Variants in TNIK observed in about 807,000 individuals in gnomAD.
TNIK encodes TRAF2 and NCK-interacting protein kinase.
TNIK carries 49 observed loss-of-function variants against 191.3 expected under a neutral mutation model. The ratio of observed to expected loss-of-function variants is 0.26; its 90% confidence interval spans 0.20 to 0.32. The LOEUF is 0.32. Ranked by LOEUF, TNIK falls within the 10% of genes least tolerant of loss-of-function variation. TNIK has a pLI of 1.00. For missense variants in TNIK, 1,155 were observed against 1,702.3 expected (o/e 0.68, Z 5.66); for synonymous variants, 594 against 600.9 (o/e 0.99, Z 0.17).
intron 2 of TNIK, among the ~76,000 whole-genome samples, chr3:171,265,446 T>C (rs937086846): frequency 9.2e-5 from 14 of 152,230 alleles, no homozygotes; most frequent in African/African-American, 3.4e-4. Context: ...GGAACTGGAT[T>C]CTTTTGTCTT....
chr3:171,203,025 C>T (rs1305813020), intron 4 of TNIK, among the ~76,000 whole-genome samples: 1 of 151,658 alleles, frequency 6.6e-6, no homozygotes, highest in Non-Finnish European at 1.5e-5. Flanking sequence ...TGATACACAG[C>T]ATTAACAAAA....
intron 29 of TNIK, among the ~76,000 whole-genome samples, chr3:171,070,781 C>A (rs1238651786): frequency 6.6e-6 from 1 of 152,128 alleles, no homozygotes; most frequent in Non-Finnish European, 1.5e-5. Context: ...ATAAGCATCA[C>A]CTGAGTTTTA....
At chr3:171,068,039 C>A (rs1718695024) in intron 30 of TNIK, among the ~76,000 whole-genome samples, 1 of 152,144 alleles carries the variant, frequency 6.6e-6, no homozygotes, top group South Asian at 2.1e-4. Flanking sequence ...TTCAAACATT[C>A]CTGATAAATA....
At chr3:171,289,994 C>G (rs990747471) in intron 2 of TNIK, among the ~76,000 whole-genome samples, 3 of 151,470 alleles carry the variant, frequency 2.0e-5, no homozygotes, top group Non-Finnish European at 4.4e-5. Flanking sequence ...TAATACGATT[C>G]ATTTGGGCCT....
intron 15 of TNIK, among the ~76,000 whole-genome samples, chr3:171,132,591 A>C (rs1022388945): frequency 2.0e-5 from 3 of 152,242 alleles, no homozygotes; most frequent in African/African-American, 7.2e-5. Flanking sequence ...TTAAAAAGTT[A>C]AAACATAATA....
In TNIK at chr3:171,351,872, A is replaced by G. The variant is rs144878178; in HGVS notation, c.123+17748T>C. Reference sequence around the variant, plus strand: ...TCAGTTCCCAGGAGAACCATTCAACACAAAAGTTAAATGGTGCATTTCAGG... The same window carrying G: ...TCAGTTCCCAGGAGAACCATTCAACGCAAAAGTTAAATGGTGCATTTCAGG... On this transcript the variant is annotated intron_variant, in intron 2 of 32. Transcript: ENST00000436636. 2.5e-3 allele frequency among the ~76,000 whole-genome samples: 384 copies of G among 152,332 alleles called. 4 individuals carry two copies. The highest frequency in any genetic ancestry group is 8.9e-3 in the African/African-American group (372 of 41,576).
intron 2 of TNIK, among the ~76,000 whole-genome samples, chr3:171,258,664 A>G (rs1377630986): frequency 6.6e-6 from 1 of 152,174 alleles, no homozygotes; most frequent in Non-Finnish European, 1.5e-5. Flanking sequence ...GTCAGGCCCA[A>G]TTTAGGACTT....
At chr3:171,091,297 T>C (rs1416218733) in intron 23 of TNIK, among the ~76,000 whole-genome samples, 1 of 152,212 alleles carries the variant, frequency 6.6e-6, no homozygotes, top group Non-Finnish European at 1.5e-5. Context: ...CCTCTTTTTC[T>C]TCTCCGCTGG....
intron 7 of TNIK, among the ~76,000 whole-genome samples, chr3:171,187,529 A>C (rs1280789509): frequency 1.3e-5 from 2 of 152,202 alleles, no homozygotes; most frequent in Non-Finnish European, 2.9e-5. Context: ...TGATTTCAAT[A>C]ATAACCCCAC....
chr3:171,169,538 T>C (rs1368803251), intron 9 of TNIK, among the ~76,000 whole-genome samples: 3 of 152,194 alleles, frequency 2.0e-5, no homozygotes, highest in Non-Finnish European at 4.4e-5. Context: ...AAAGTGCTGG[T>C]ATTACAGGCA....
intron 3 of TNIK, chr3:171,225,742 G>A: frequency 2.5e-6 from 1 of 405,302 alleles, no homozygotes; most frequent in South Asian, 1.9e-5. Flanking sequence ...GGTTCTACTT[G>A]TGAGGCTTTA....
intron 2 of TNIK, among the ~76,000 whole-genome samples, chr3:171,259,755 G>A (rs1747359845): frequency 6.6e-6 from 1 of 152,094 alleles, no homozygotes; most frequent in African/African-American, 2.4e-5. Context: ...ATAATATCAT[G>A]GAATCATAAT....
At chr3:171,190,889 A>G in intron 5 of TNIK, 102 bp from the exon 6 acceptor site, 1 of 754,860 alleles carries the variant, frequency 1.3e-6, no homozygotes. Flanking sequence ...ACTCACCCAG[A>G]CATACTTTTC....
intron 2 of TNIK, among the ~76,000 whole-genome samples, chr3:171,347,391 T>TCTCA (rs1553758349): frequency 2.7e-5 from 4 of 146,176 alleles, no homozygotes; most frequent in Admixed American, 6.9e-5. Flanking sequence ...GAAGTGCCTA[T>TCTCA]CACACACACA....
intron 2 of TNIK, among the ~76,000 whole-genome samples, chr3:171,284,796 C>T (rs965291146): frequency 6.6e-6 from 1 of 152,080 alleles, no homozygotes; most frequent in African/African-American, 2.4e-5. Context: ...TGTATTAATA[C>T]AGTAATAAGT....
intron 15 of TNIK, among the ~76,000 whole-genome samples, chr3:171,137,768 G>A (rs535269989): frequency 1.3e-5 from 2 of 152,258 alleles, no homozygotes; most frequent in East Asian, 3.9e-4. Context: ...TAGTGACAAT[G>A]TTAATGATCA....
In TNIK at chr3:171,344,908, A is replaced by C. The variant is rs77039280; in HGVS notation, c.123+24712T>G. On this transcript the variant is annotated intron_variant, in intron 2 of 32. Coordinates refer to ENST00000436636, the MANE Select transcript of TNIK (RefSeq NM_015028.4). ...TCTCATAAGGACTAAATGATTTAGG[A>C]GCTGCCGAGATTAATAACTCATTTG... Among the ~76,000 whole-genome samples the C allele has an allele frequency of 2.1e-4, 32 of 152,238 alleles. 1 individual carries two copies. The East Asian group carries it at 6.2e-3, about 29-fold the overall frequency.
intron 2 of TNIK, among the ~76,000 whole-genome samples, chr3:171,306,707 C>A (rs1327602803): frequency 6.6e-6 from 1 of 151,760 alleles, no homozygotes; most frequent in Non-Finnish European, 1.5e-5. Flanking sequence ...CATGAAAAAG[C>A]AAAATGACAG....
intron 2 of TNIK, among the ~76,000 whole-genome samples, chr3:171,255,299 A>G (rs1237654851): frequency 6.6e-6 from 1 of 152,212 alleles, no homozygotes; most frequent in East Asian, 1.9e-4. Flanking sequence ...AGATTCTTGA[A>G]AATCTATCCC....
Sources: gnomAD v4.1 joint callset for allele counts (sites outside exome capture counted in the v4.1 genomes callset) on GRCh38, gnomAD v4.1.1 for gene constraint, MANE v1.5 for transcripts, NCBI Gene and HGNC (gene_info 2026-07-23, HGNC 2026-07-21) for gene names.